The following SAMSN1 variants were observed in gnomAD, a reference collection of about 807,000 sequenced individuals.
SAMSN1 encodes SAM domain, SH3 domain and nuclear localization signals 1.
Under a neutral mutation model 42.0 loss-of-function variants are expected in SAMSN1, and 31 were observed. The ratio of observed to expected loss-of-function variants is 0.74; its 90% CI spans 0.55 to 1.00. The LOEUF is 1.00. SAMSN1 is among the 50% of genes least tolerant of loss of function. SAMSN1 has a pLI of 0.00. For missense variants in SAMSN1, 464 were observed against 439.4 expected (o/e 1.06, Z -0.50); for synonymous variants, 178 against 151.9 (o/e 1.17, Z -1.26).
At chr21:14,657,929 G>A (rs1983942218) in intron 1 of SAMSN1, among the ~76,000 whole-genome samples, 1 of 151,850 alleles carries the variant, frequency 6.6e-6, no homozygotes, top group African/African-American at 2.4e-5. Context: ...AATCTTATGT[G>A]CAATTAGGAA....
intron 6 of SAMSN1, among the ~76,000 whole-genome samples, chr21:14,597,189 A>T (rs1049180400): frequency 6.6e-6 from 1 of 152,018 alleles, no homozygotes; most frequent in African/African-American, 2.4e-5. Flanking sequence ...CTGTCTGATA[A>T]AACCTAGTGA....
intron 1 of SAMSN1, among the ~76,000 whole-genome samples, chr21:14,530,143 C>G (rs540778658): frequency 9.2e-4 from 140 of 152,056 alleles, no homozygotes; most frequent in African/African-American, 3.3e-3. Context: ...GGTGAAACCC[C>G]ATCCCTACTA....
intron 1 of SAMSN1, among the ~76,000 whole-genome samples, chr21:14,544,119 G>A (rs1980229082): frequency 6.6e-6 from 1 of 152,102 alleles, no homozygotes; most frequent in Non-Finnish European, 1.5e-5. Flanking sequence ...GCACGAACAC[G>A]GCCCACTGTA....
Position 14,497,359 on chromosome 21 carries a change from C to T in SAMSN1, c.919+1083G>A, listed in dbSNP as rs1412849075. On this transcript the variant is annotated intron_variant, in intron 7 of 7. Transcript: ENST00000400566. ...CTTGTAATCCCAGCACTTTGAGAGG[C>T]CAAGATGGGCGGATCACTTAAGATC... 3.3e-5 allele frequency among the ~76,000 whole-genome samples: 5 copies of T among 152,108 alleles called. No homozygotes were observed. The East Asian group carries it at 9.6e-4, about 29-fold the overall frequency.
chr21:14,509,914 C>A (rs895802994), intron 5 of SAMSN1, among the ~76,000 whole-genome samples: 1 of 151,950 alleles, frequency 6.6e-6, no homozygotes, highest in South Asian at 2.1e-4. Flanking sequence ...CCGAGGCGGG[C>A]GGATCACGAG....
chr21:14,630,455 G>A (rs1395637123), intron 2 of SAMSN1, among the ~76,000 whole-genome samples: 1 of 150,298 alleles, frequency 6.7e-6, no homozygotes, highest in Non-Finnish European at 1.5e-5. Flanking sequence ...TAGTTCTCCT[G>A]TAAGCCTAGG....
chr21:14,642,352 G>A (rs1313889615), intron 2 of SAMSN1, among the ~76,000 whole-genome samples: 1 of 152,180 alleles, frequency 6.6e-6, no homozygotes, highest in African/African-American at 2.4e-5. Context: ...GCATTTGCCA[G>A]TTTGTAACAC....
chr21:14,601,728 G>C (rs9981519), intron 6 of SAMSN1, among the ~76,000 whole-genome samples: 2,553 of 152,258 alleles, frequency 0.017, 79 homozygotes, highest in African/African-American at 0.058. Flanking sequence ...CATAGGTCTT[G>C]ACAGGAACAT....
chr21:14,657,759 G>T (rs1181780190), intron 1 of SAMSN1, among the ~76,000 whole-genome samples: 1 of 151,682 alleles, frequency 6.6e-6, no homozygotes, highest in Non-Finnish European at 1.5e-5. Context: ...TTGTAAATTG[G>T]ACTATATGGG....
intron 2 of SAMSN1, among the ~76,000 whole-genome samples, chr21:14,559,622 C>A (rs1980878551): frequency 2.0e-5 from 3 of 152,190 alleles, no homozygotes; most frequent in Middle Eastern, 3.4e-3. Flanking sequence ...TTCTAGTCCT[C>A]CTGTATTGCT....
chr21:14,614,930 G>T (rs976449165), intron 3 of SAMSN1, among the ~76,000 whole-genome samples: 1 of 152,106 alleles, frequency 6.6e-6, no homozygotes, highest in Non-Finnish European at 1.5e-5. Context: ...TTGTAAATTG[G>T]TCATCATCAG....
At chr21:14,643,393 G>T (rs1252991363) in intron 1 of SAMSN1, among the ~76,000 whole-genome samples, 1 of 152,122 alleles carries the variant, frequency 6.6e-6, no homozygotes, top group African/African-American at 2.4e-5. Flanking sequence ...GCAGAGGCAG[G>T]CACACAATGA....
intron 5 of SAMSN1, among the ~76,000 whole-genome samples, chr21:14,606,127 ACTGCGCC>A (rs1982564959): frequency 6.6e-6 from 1 of 152,154 alleles, no homozygotes; most frequent in Non-Finnish European, 1.5e-5. Context: ...GGCGTGAACC[ACTGCGCC>A]CGGTCAAGAA....
At chr21:14,649,206 G>A (rs1983779669) in intron 1 of SAMSN1, among the ~76,000 whole-genome samples, 1 of 149,202 alleles carries the variant, frequency 6.7e-6, no homozygotes, top group Non-Finnish European at 1.5e-5. Context: ...CTCACTCATA[G>A]GTGGGAATTG....
At chr21:14,642,996 A>G (rs1279589366) in intron 2 of SAMSN1, 1 of 716,860 alleles carries the variant, frequency 1.4e-6, no homozygotes, top group African/African-American at 1.7e-5. Context: ...TCAATGCTTC[A>G]CTCACCACGA....
At position 14,521,221 on chromosome 21, in the gene SAMSN1, G is replaced by T. The variant is rs757290848; in HGVS notation, c.58C>A (p.Arg20=). 1 of 1,605,506 alleles carries T rather than the reference G, an allele frequency of 6.2e-7. No individual in the cohort carries two copies. The highest frequency in any genetic ancestry group is 8.5e-7 in the Non-Finnish European group (1 of 1,174,512). ...SEKEKHQKPK[R]SSSFGNFDRF... ...TCGAAATTCCCAAAACTGCTGCTTCGCTATAAAATAGAAAAGAAAAAGCAA... is the reference window on the plus strand; with the variant it reads ...TCGAAATTCCCAAAACTGCTGCTTCTCTATAAAATAGAAAAGAAAAAGCAA... Residue 20 remains arginine, a splice_region_variant and synonymous_variant, in exon 2 of 8, where the codon CGA becomes AGA. Coordinates refer to ENST00000400566, the MANE Select transcript of SAMSN1 (RefSeq NM_022136.5).
At chr21:14,657,509 C>G (rs1352447298) in intron 1 of SAMSN1, among the ~76,000 whole-genome samples, 2 of 151,824 alleles carry the variant, frequency 1.3e-5, no homozygotes, top group African/African-American at 4.8e-5. Flanking sequence ...CCACGCTGAA[C>G]CATGCTATGT....
At chr21:14,619,068 C>T (rs114192398) in intron 2 of SAMSN1, among the ~76,000 whole-genome samples, 8 of 152,032 alleles carry the variant, frequency 5.3e-5, no homozygotes, top group South Asian at 2.1e-4. Flanking sequence ...AAAGCACTTC[C>T]GTATATAAAA....
chr21:14,555,798 G>A (rs1364622303), intron 2 of SAMSN1, among the ~76,000 whole-genome samples: 1 of 152,144 alleles, frequency 6.6e-6, no homozygotes, highest in African/African-American at 2.4e-5. Flanking sequence ...ACTGAATCGT[G>A]CCTCATTTGG....
Sources: gnomAD v4.1 joint callset for allele counts (sites outside exome capture counted in the v4.1 genomes callset) on GRCh38, gnomAD v4.1.1 for gene constraint, MANE v1.5 for transcripts, NCBI Gene and HGNC (gene_info 2026-07-23, HGNC 2026-07-21) for gene names.